Variants in SLIT3 observed in about 807,000 individuals in gnomAD.
SLIT3 encodes slit homolog 3 protein.
In SLIT3, 68 loss-of-function variants were observed where a neutral mutation model predicts 184.0. The ratio of observed to expected loss-of-function variants is 0.37; its 90% confidence interval spans 0.30 to 0.45. The LOEUF (loss-of-function observed/expected upper bound fraction) is 0.45. Among genes scored for constraint, SLIT3 ranks in the 20% least tolerant of loss-of-function variants. SLIT3 has a pLI of 1.00. For synonymous variants in SLIT3, 831 were observed against 828.6 expected, an observed-to-expected ratio of 1.00 and a Z score of -0.05; for missense variants, 1,707 against 2,026.0, an observed-to-expected ratio of 0.84 and a Z score of 3.02.
chr5:169,223,912 G>T (rs1291288302), intron 3 of SLIT3, among the ~76,000 whole-genome samples: 5 of 152,200 alleles, frequency 3.3e-5, no homozygotes, highest in Non-Finnish European at 7.3e-5. Flanking sequence ...GGGGAGGGCT[G>T]ATAAATGGGT....
At chr5:169,061,047 C>T (rs1005938815) in intron 4 of SLIT3, among the ~76,000 whole-genome samples, 1 of 152,192 alleles carries the variant, frequency 6.6e-6, no homozygotes, top group Non-Finnish European at 1.5e-5. Context: ...TATTGCAAAG[C>T]ATGAATATAA....
At chr5:168,952,217 G>A (rs1326327737) in intron 4 of SLIT3, among the ~76,000 whole-genome samples, 5 of 152,170 alleles carry the variant, frequency 3.3e-5, no homozygotes, top group African/African-American at 4.8e-5. Context: ...GGGAGAAGAC[G>A]GATCACCTTT....
At chr5:168,951,859 A>C (rs1762660021) in intron 4 of SLIT3, among the ~76,000 whole-genome samples, 1 of 152,174 alleles carries the variant, frequency 6.6e-6, no homozygotes, top group Non-Finnish European at 1.5e-5. Context: ...TGCAGAGTAA[A>C]GACACCCATG....
At chr5:169,219,139 A>G (rs1764539048) in intron 3 of SLIT3, among the ~76,000 whole-genome samples, 1 of 152,184 alleles carries the variant, frequency 6.6e-6, no homozygotes, top group South Asian at 2.1e-4. Flanking sequence ...GGACAGAGGC[A>G]CACATGAAGC....
chr5:169,189,727 G>A (rs997299699), intron 4 of SLIT3, among the ~76,000 whole-genome samples: 1 of 151,800 alleles, frequency 6.6e-6, no homozygotes, highest in Admixed American at 6.6e-5. Flanking sequence ...TCCTGGTTCT[G>A]CCGCTAAGTA....
At chr5:169,247,699 G>A (rs1199737336) in intron 2 of SLIT3, among the ~76,000 whole-genome samples, 1 of 151,558 alleles carries the variant, frequency 6.6e-6, no homozygotes, top group Non-Finnish European at 1.5e-5. Context: ...GTCTCACTTT[G>A]TCACCCACGC....
chr5:168,861,341 G>A (rs1759098957), intron 5 of SLIT3, among the ~76,000 whole-genome samples: 1 of 151,690 alleles, frequency 6.6e-6, no homozygotes, highest in African/African-American at 2.4e-5. Flanking sequence ...CTCTAGCTTG[G>A]TAAGTCTATG....
chr5:168,829,510 TC>T (rs1338329232), intron 6 of SLIT3, among the ~76,000 whole-genome samples: 1 of 152,158 alleles, frequency 6.6e-6, no homozygotes, highest in Non-Finnish European at 1.5e-5. Flanking sequence ...TCTCCCTAAG[TC>T]TACATAAGCA....
chr5:169,098,321 A>G (rs1190351078), intron 4 of SLIT3, among the ~76,000 whole-genome samples: 1 of 152,246 alleles, frequency 6.6e-6, no homozygotes, highest in East Asian at 1.9e-4. Context: ...GTATACACAC[A>G]GTATACATGC....
rs1767639566 is a variant in SLIT3, at chr5:169,300,220, C to T, written c.197+293G>A. ...TGAGGCTGCAGTGCTCTTGCCTCCC[C>T]TCGCCTCTCCTCAGCTACTCCTTGG... On this transcript the variant is annotated intron_variant, in intron 1 of 35. Transcript: ENST00000519560. This position sits in a 1 kb window ranked among gnomAD's most constrained non-coding sequence, Gnocchi z 4.1. Among the ~76,000 whole-genome samples, 1 of 152,192 alleles carries T rather than the reference C, an allele frequency of 6.6e-6. No homozygotes were observed. The highest frequency in any genetic ancestry group is 2.1e-4 in the South Asian group (1 of 4,832).
intron 3 of SLIT3, among the ~76,000 whole-genome samples, chr5:169,198,453 C>T (rs1763809030): frequency 6.6e-6 from 1 of 152,176 alleles, no homozygotes; most frequent in South Asian, 2.1e-4. Context: ...GGGAAGCAGG[C>T]TTGCACTGCT....
At chr5:169,157,690 C>A (rs1209950764) in intron 4 of SLIT3, among the ~76,000 whole-genome samples, 6 of 152,058 alleles carry the variant, frequency 3.9e-5, no homozygotes, top group South Asian at 2.1e-4. Flanking sequence ...TAAGAAAAAA[C>A]CAACTTATAT....
At chr5:169,183,573 C>T (rs1763239426) in intron 4 of SLIT3, among the ~76,000 whole-genome samples, 1 of 152,138 alleles carries the variant, frequency 6.6e-6, no homozygotes, top group African/African-American at 2.4e-5. Flanking sequence ...TCACTCTGGT[C>T]CATGACATGA....
At chr5:168,722,125 G>A in intron 23 of SLIT3, 131 bp downstream of exon 23, 1 of 749,854 alleles carries the variant, frequency 1.3e-6, no homozygotes, top group Non-Finnish European at 2.3e-6. Context: ...GCAAATAAGG[G>A]TGCTGGGTAG....
intron 15 of SLIT3, 110 bp from the exon 16 acceptor site, chr5:168,761,046 A>G: frequency 5.0e-6 from 4 of 794,126 alleles, no homozygotes; most frequent in African/African-American, 3.4e-5. Flanking sequence ...GTGAAGGACC[A>G]CAGAGCCATC....
At chr5:169,075,711 A>T (rs2113138689) in intron 4 of SLIT3, among the ~76,000 whole-genome samples, 1 of 152,352 alleles carries the variant, frequency 6.6e-6, no homozygotes, top group African/African-American at 2.4e-5. Context: ...GATGAACCAC[A>T]GCACACTCTT....
chr5:169,237,131 C>A (rs974794111), intron 3 of SLIT3, among the ~76,000 whole-genome samples: 3 of 152,222 alleles, frequency 2.0e-5, no homozygotes, highest in African/African-American at 7.2e-5. Context: ...AGACTCCACT[C>A]ATTTCCACAG....
intron 4 of SLIT3, among the ~76,000 whole-genome samples, chr5:168,894,387 A>G (rs1421394996): frequency 6.6e-6 from 1 of 152,180 alleles, no homozygotes; most frequent in Non-Finnish European, 1.5e-5. Flanking sequence ...AGTGAACATG[A>G]TTTTATGCCA....
At chr5:168,683,853 G>T in intron 32 of SLIT3, 113 bp downstream of exon 32, 1 of 998,982 alleles carries the variant, frequency 1.0e-6, no homozygotes, top group Non-Finnish European at 1.4e-6. Context: ...GCGTGGTAGG[G>T]GCGGGGAGAA....
Sources: allele counts gnomAD v4.1 joint callset (sites outside exome capture counted in the v4.1 genomes callset), GRCh38; gene constraint gnomAD v4.1.1; non-coding constraint Gnocchi (gnomAD v3.1); transcripts MANE v1.5; gene names NCBI Gene and HGNC (gene_info 2026-07-23, HGNC 2026-07-21).